The following DDX19B variants were observed in gnomAD, a reference collection of about 807,000 sequenced individuals.
DDX19B encodes the protein ATP-dependent RNA helicase DDX19B.
Under a neutral mutation model 58.1 loss-of-function variants are expected in DDX19B, and 27 were observed. That is an observed-to-expected ratio of 0.46 (90% CI 0.34 to 0.64). The LOEUF (loss-of-function observed/expected upper bound fraction) is 0.64. Ranked by LOEUF, DDX19B falls within the 30% of genes least tolerant of loss-of-function variation. DDX19B has a pLI of 0.01. For synonymous variants in DDX19B, 187 were observed against 214.4 expected, an observed-to-expected ratio of 0.87 and a Z score of 1.12; for missense variants, 399 against 596.5, an observed-to-expected ratio of 0.67 and a Z score of 3.45.
In DDX19B at chr16:70,329,833, T is replaced by G; in HGVS notation, c.788T>G (p.Met263Arg). 1 of 1,614,190 alleles carries G rather than the reference T, an allele frequency of 6.2e-7. No homozygotes were observed. Among genetic ancestry groups the G allele is most frequent in the Non-Finnish European group, 8.5e-7 (1 of 1,180,024 alleles). Residue 263 changes from methionine to arginine, a missense_variant and splice_region_variant, in exon 9 of 12, where the codon ATG (methionine) becomes AGG (arginine). This residue lies in a region of DDX19B where 198 missense variants were observed against 345.9 expected (regional missense o/e 0.57). Transcript: ENST00000288071. ...HQDQSIRIQR[M>R]LPRNCQMLLF... ...CCTACCAGGGCCTTCCCTTGCAGGA[T>G]GCTGCCCAGGAACTGCCAGATGCTG... is the stretch of plus-strand genomic sequence containing the variant.
upstream of DDX19B, chr16:70,294,852 G>T: frequency 7.2e-6 from 11 of 1,520,246 alleles, no homozygotes; most frequent in Non-Finnish European, 9.6e-6. Context: ...CGCGATGGCT[G>T]GGGCTGCCGG....
chr16:70,313,638 C>T (rs1385095635), intron 2 of DDX19B, among the ~76,000 whole-genome samples: 2 of 152,072 alleles, frequency 1.3e-5, no homozygotes, highest in East Asian at 1.9e-4. Context: ...TGACAGTTTA[C>T]CTATCCTAAT....
At chr16:70,326,032 T>G (rs1387958115) in intron 7 of DDX19B, among the ~76,000 whole-genome samples, 2 of 152,226 alleles carry the variant, frequency 1.3e-5, no homozygotes, top group Non-Finnish European at 2.9e-5. Context: ...TTATAGCTGT[T>G]TGGTTTTTCG....
intron 1 of DDX19B, 141 bp from the exon 2 acceptor site, chr16:70,312,468 C>T (rs1388954484): frequency 4.1e-6 from 3 of 736,430 alleles, no homozygotes; most frequent in Admixed American, 5.9e-5. Context: ...GTAAACGGAA[C>T]AACCCAATGA....
At chr16:70,325,529 A>C in intron 6 of DDX19B, 45 bp from the exon 7 acceptor site, 2 of 1,356,232 alleles carry the variant, frequency 1.5e-6, no homozygotes, top group Non-Finnish European at 2.1e-6. Context: ...CCTTTGCAAA[A>C]GAGCTATTGT....
At chr16:70,306,127 TTTGTTGTTG>T (rs551376201) in intron 1 of DDX19B, among the ~76,000 whole-genome samples, 2 of 151,154 alleles carry the variant, frequency 1.3e-5, no homozygotes, top group South Asian at 2.1e-4. Context: ...TTAGGTCAGT[TTTGTTGTTG>T]TTGTTGTTGT....
intron 7 of DDX19B, among the ~76,000 whole-genome samples, chr16:70,328,359 A>ATTTT (rs1202085538): frequency 2.3e-5 from 3 of 131,376 alleles, no homozygotes; most frequent in Non-Finnish European, 3.3e-5. Context: ...AGAATTCTGA[A>ATTTT]TTTTTTTTTT....
rs199846763 is a variant in DDX19B at position 70,314,936 on chromosome 16, G to C, written c.141G>C (p.Lys47Asn). The stretch of plus-strand genomic sequence containing the variant: ...TCAAGACCAATGCCAATGCAGAGAA[G>C]ACAGATGAAGAAGAGAAAGGTAACA... ...AVVKTNANAE[K>N]TDEEEKEDRA... is the part of the protein sequence containing the mutation. Residue 47 changes from lysine (K) to asparagine (N), a missense_variant, in exon 3 of 12, where the codon AAG (lysine) becomes AAC (asparagine). This residue lies in a region of DDX19B where 132 missense variants were observed against 159.4 expected (regional missense o/e 0.83). Coordinates refer to ENST00000288071, the MANE Select transcript of DDX19B (RefSeq NM_007242.7). 4.8e-5 allele frequency: 78 copies of C among 1,609,050 alleles called. 1 individual carries two copies. In the Middle Eastern group the frequency reaches 2.0e-3, roughly 41 times the overall value.
intron 1 of DDX19B, among the ~76,000 whole-genome samples, chr16:70,308,869 T>C (rs1961925508): frequency 6.6e-6 from 1 of 151,708 alleles, no homozygotes; most frequent in African/African-American, 2.4e-5. Context: ...GTTTGTTACA[T>C]AGGTAAACAT....
chr16:70,305,656 T>C (rs1405560440), intron 1 of DDX19B, among the ~76,000 whole-genome samples: 2 of 152,154 alleles, frequency 1.3e-5, no homozygotes, highest in African/African-American at 4.8e-5. Context: ...CAAGGCACAA[T>C]ATACACTTAG....
chr16:70,316,204 T>C (rs1962394119), intron 4 of DDX19B, 100 bp downstream of exon 4: 4 of 1,415,288 alleles, frequency 2.8e-6, no homozygotes, highest in African/African-American at 2.9e-5. Context: ...CAGTTTTAGC[T>C]AACCAAGTTT....
intron 9 of DDX19B, 65 bp downstream of exon 9, chr16:70,330,133 G>A (rs1392151073): frequency 5.0e-6 from 8 of 1,585,768 alleles, no homozygotes; most frequent in Non-Finnish European, 6.9e-6. Flanking sequence ...CAGGGCTCAG[G>A]AGGACTGGAT....
At chr16:70,317,395 A>G (rs879927423) in intron 4 of DDX19B, 101 bp from the exon 5 acceptor site, 3 of 889,762 alleles carry the variant, frequency 3.4e-6, no homozygotes, top group Non-Finnish European at 5.2e-6. Context: ...CAAACAAACA[A>G]AAAACTATGT....
chr16:70,307,917 T>G (rs1031494391), intron 1 of DDX19B, among the ~76,000 whole-genome samples: 1 of 150,788 alleles, frequency 6.6e-6, no homozygotes, highest in Non-Finnish European at 1.5e-5. Context: ...ATTTTAAAAT[T>G]TATTTAAATT....
intron 7 of DDX19B, 62 bp downstream of exon 7, chr16:70,325,750 AAACCCACCC>A: frequency 8.3e-7 from 1 of 1,210,222 alleles, no homozygotes; most frequent in Non-Finnish European, 1.2e-6. Flanking sequence ...AAATATTTCA[AAACCCACCC>A]AATAGTTGAA....
Position 70,314,890 on chromosome 16 carries a change from G to C in DDX19B, c.107-12G>C, listed in dbSNP as rs1176642546. The C allele has an allele frequency of 6.2e-7, 1 of 1,608,224 alleles. No homozygotes were observed. ...TGCGATTTTGAATGATGGCCACTTT[G>C]TGTCTATAAAGGTGCTGTTGTCAAG... is the stretch of plus-strand genomic sequence containing the variant. On this transcript the variant is annotated splice_polypyrimidine_tract_variant and intron_variant, in intron 2 of 11. Coordinates refer to ENST00000288071, the MANE Select transcript of DDX19B (RefSeq NM_007242.7).
chr16:70,312,784 T>C, intron 2 of DDX19B, 127 bp downstream of exon 2: 1 of 686,276 alleles, frequency 1.5e-6, no homozygotes, highest in Admixed American at 3.0e-5. Context: ...ACTGGTACCA[T>C]TTGATTTGTA....
chr16:70,326,880 G>C (rs765555060), intron 7 of DDX19B, among the ~76,000 whole-genome samples: 2 of 151,484 alleles, frequency 1.3e-5, no homozygotes, highest in Non-Finnish European at 2.9e-5. Context: ...TGTCGCCCAG[G>C]CTGGAGAGCA....
chr16:70,296,280 C>T (rs1597458956), upstream of DDX19B, among the ~76,000 whole-genome samples: 1 of 151,546 alleles, frequency 6.6e-6, no homozygotes, highest in Non-Finnish European at 1.5e-5. Context: ...GGATTACAGG[C>T]GTGAGCCACC....
Sources: gnomAD v4.1 joint callset for allele counts (sites outside exome capture counted in the v4.1 genomes callset) on GRCh38, gnomAD v4.1.1 for gene constraint, gnomAD v4.1.1 regional missense constraint, MANE v1.5 for transcripts, NCBI Gene and HGNC (gene_info 2026-07-23, HGNC 2026-07-21) for gene names.